Variants in EXOC6B observed in about 807,000 individuals in gnomAD.
The protein encoded by EXOC6B is SEC15 homolog B.
EXOC6B carries 54 observed loss-of-function variants against 113.5 expected under a neutral mutation model. The observed-to-expected ratio is 0.48, with a 90% CI of 0.38 to 0.60. EXOC6B has a LOEUF of 0.60. Ranked by LOEUF, EXOC6B falls within the 20% of genes least tolerant of loss-of-function variation. The pLI is 0.00. For missense variants in EXOC6B, 797 were observed against 977.5 expected, an observed-to-expected ratio of 0.82 and a Z score of 2.46; for synonymous variants, 357 against 339.0, an observed-to-expected ratio of 1.05 and a Z score of -0.58.
At chr2:72,537,690 T>G (rs2105778608) in intron 8 of EXOC6B, among the ~76,000 whole-genome samples, 1 of 152,276 alleles carries the variant, frequency 6.6e-6, no homozygotes, top group South Asian at 2.1e-4. Context: ...ATATAAAAAT[T>G]CTAGCGGAAT....
At chr2:72,722,454 G>GT (rs1680070937) in intron 5 of EXOC6B, among the ~76,000 whole-genome samples, 1 of 152,016 alleles carries the variant, frequency 6.6e-6, no homozygotes, top group African/African-American at 2.4e-5. Context: ...GTTTTACTTG[G>GT]TTTTTTTGTT....
intron 6 of EXOC6B, among the ~76,000 whole-genome samples, chr2:72,701,558 G>A (rs953770955): frequency 6.6e-6 from 1 of 152,114 alleles, no homozygotes; most frequent in African/African-American, 2.4e-5. Flanking sequence ...AAGCAAGGCA[G>A]TACACCTAGG....
In EXOC6B at chr2:72,336,352, T is replaced by G. The variant is rs149558042; in HGVS notation, c.2123-1332A>C. ...TTTGTTGAACAAGGGTAGGAACTTC[T>G]GTTCTTTAAAAATATTTTCCATTTG... On this transcript the variant is annotated intron_variant, in intron 19 of 21. Coordinates refer to ENST00000272427, the MANE Select transcript of EXOC6B (RefSeq NM_015189.3). Among the ~76,000 whole-genome samples, 1,151 of 152,328 alleles carry G rather than the reference T, an allele frequency of 7.6e-3. 26 individuals are homozygous for G. The highest frequency in any genetic ancestry group is 0.026 in the African/African-American group (1,083 of 41,574).
chr2:72,339,238 AATTGTCCTTCTTTG>A (rs1688884715), intron 19 of EXOC6B, among the ~76,000 whole-genome samples: 1 of 152,140 alleles, frequency 6.6e-6, no homozygotes, highest in African/African-American at 2.4e-5. Flanking sequence ...TGTTAATTAA[AATTGTCCTTCTTTG>A]ACATAATAAA....
intron 20 of EXOC6B, among the ~76,000 whole-genome samples, chr2:72,297,415 T>C (rs1290083644): frequency 1.3e-5 from 2 of 152,138 alleles, no homozygotes; most frequent in African/African-American, 4.8e-5. Flanking sequence ...TGTCTGTTCT[T>C]CCCCTCTTTG....
At chr2:72,181,997 G>A (rs941343301) in intron 21 of EXOC6B, among the ~76,000 whole-genome samples, 3 of 152,150 alleles carry the variant, frequency 2.0e-5, no homozygotes, top group African/African-American at 4.8e-5. Flanking sequence ...GTTTCGCCCT[G>A]CTAAGAAGGG....
At chr2:72,669,813 G>C (rs544039313) in intron 6 of EXOC6B, among the ~76,000 whole-genome samples, 1 of 152,296 alleles carries the variant, frequency 6.6e-6, no homozygotes, top group South Asian at 2.1e-4. Context: ...AAATATGTGG[G>C]ATAGTCCTGT....
rs114952280 is a variant in EXOC6B, at chr2:72,376,375, T to C, written c.2122+3354A>G. On this transcript the variant is annotated intron_variant, in intron 19 of 21. Coordinates refer to ENST00000272427, the MANE Select transcript of EXOC6B (RefSeq NM_015189.3). The stretch of plus-strand genomic sequence containing the variant: ...TTTTGTTCTGTTTTTCTTTCAGGAC[T>C]TTACAGATATTCTACTGCCTTCTGG... Among the ~76,000 whole-genome samples the C allele has an allele frequency of 5.4e-3, 815 of 152,324 alleles. 8 individuals carry two copies. The highest frequency in any genetic ancestry group is 0.019 in the African/African-American group (782 of 41,584).
At chr2:72,674,720 A>T (rs1676165575) in intron 6 of EXOC6B, among the ~76,000 whole-genome samples, 1 of 151,934 alleles carries the variant, frequency 6.6e-6, no homozygotes, top group Non-Finnish European at 1.5e-5. Flanking sequence ...AGTCCCAGCT[A>T]CTCAGGAGGC....
At chr2:72,581,682 C>T (rs1558815822) in intron 6 of EXOC6B, among the ~76,000 whole-genome samples, 1 of 152,194 alleles carries the variant, frequency 6.6e-6, no homozygotes, top group Non-Finnish European at 1.5e-5. Flanking sequence ...CCACCTCCCG[C>T]ACCCTGCCCC....
chr2:72,626,375 A>C (rs897413053), intron 6 of EXOC6B, among the ~76,000 whole-genome samples: 20 of 152,156 alleles, frequency 1.3e-4, no homozygotes, highest in Non-Finnish European at 2.8e-4. Context: ...TAAATTAAGA[A>C]ATATTTTATG....
At chr2:72,488,096 A>G (rs2105522995) in intron 16 of EXOC6B, among the ~76,000 whole-genome samples, 1 of 152,298 alleles carries the variant, frequency 6.6e-6, no homozygotes, top group Admixed American at 6.5e-5. Flanking sequence ...CAAGGTCACC[A>G]ACTTATTCCA....
At chr2:72,577,920 G>A (rs1330722518) in intron 6 of EXOC6B, among the ~76,000 whole-genome samples, 1 of 151,960 alleles carries the variant, frequency 6.6e-6, no homozygotes, top group Non-Finnish European at 1.5e-5. Context: ...AAAGCATCTA[G>A]GTGTTTTCAT....
At chr2:72,191,450 C>G (rs760330201) in intron 20 of EXOC6B, among the ~76,000 whole-genome samples, 1 of 152,160 alleles carries the variant, frequency 6.6e-6, no homozygotes, top group Non-Finnish European at 1.5e-5. Flanking sequence ...GTGGTAGAGA[C>G]AGTTTGTTGG....
intron 19 of EXOC6B, among the ~76,000 whole-genome samples, chr2:72,346,375 C>T (rs771051792): frequency 6.6e-6 from 1 of 152,112 alleles, no homozygotes; most frequent in African/African-American, 2.4e-5. Flanking sequence ...TAGGCACTTG[C>T]AGTGAGTGAC....
intron 6 of EXOC6B, among the ~76,000 whole-genome samples, chr2:72,607,970 T>C (rs562268020): frequency 4.0e-5 from 6 of 151,864 alleles, no homozygotes; most frequent in African/African-American, 1.2e-4. Context: ...AAAAAACAAA[T>C]GGGATATTAT....
intron 8 of EXOC6B, among the ~76,000 whole-genome samples, chr2:72,557,362 A>C (rs1703617406): frequency 7.2e-6 from 1 of 138,482 alleles, no homozygotes; most frequent in Non-Finnish European, 1.5e-5. Context: ...TTTCTTATCT[A>C]TACCTGTGAT....
At chr2:72,665,685 G>T (rs902838427) in intron 6 of EXOC6B, among the ~76,000 whole-genome samples, 1 of 152,118 alleles carries the variant, frequency 6.6e-6, no homozygotes, top group Admixed American at 6.5e-5. Flanking sequence ...CTTAAAAGAG[G>T]TGTTTAACAA....
At chr2:72,471,014 T>C (rs924988570) in intron 17 of EXOC6B, among the ~76,000 whole-genome samples, 10 of 152,182 alleles carry the variant, frequency 6.6e-5, no homozygotes, top group East Asian at 1.9e-4. Context: ...ATGGTATTTC[T>C]AGTTCTAGAT....
Sources: allele counts gnomAD v4.1 joint callset (sites outside exome capture counted in the v4.1 genomes callset), GRCh38; gene constraint gnomAD v4.1.1; transcripts MANE v1.5; gene names NCBI Gene and HGNC (gene_info 2026-07-23, HGNC 2026-07-21).